Variants in BCORL1 observed in about 807,000 individuals in gnomAD.
The protein encoded by BCORL1 is BCL-6 corepressor-like protein 1.
A neutral mutation model predicts 87.6 loss-of-function variants in BCORL1; 7 were observed. That is an observed-to-expected ratio of 0.08 (90% CI 0.05 to 0.15). BCORL1 has a LOEUF of 0.15. Among genes scored for constraint, BCORL1 ranks in the 10% least tolerant of loss-of-function variants. BCORL1 has a pLI of 1.00. For synonymous variants in BCORL1, 591 were observed against 634.4 expected (o/e 0.93, Z 1.03); for missense variants, 1,215 against 1,499.7 (o/e 0.81, Z 3.13).
rs1380433198 is a variant in BCORL1, at chrX:130,015,276, C to T, written c.2504C>T (p.Pro835Leu). ...CAGGTCCTGCCTGTTGGCTGGTCCC[C>T]GTACCACCAGGCGTCTCTGCTTTCC... The part of the protein sequence containing the change: ...STQVLPVGWS[P>L]YHQASLLSIG... Residue 835 changes from proline (P) to leucine (L), a missense_variant, in exon 4 of 14, where the codon CCG becomes CTG. Pro to Leu is a moderately conservative substitution (Grantham distance 98). Transcript: ENST00000540052. 22 of 1,211,943 alleles carry T rather than the reference C, an allele frequency of 1.8e-5. No individual in the cohort carries two copies. Among genetic ancestry groups the T allele is most frequent in the Non-Finnish European group, 2.3e-5 (21 of 895,599 alleles).
rs143864671 is a variant in BCORL1 at position 130,014,661 on chromosome X, G to A, written c.1889G>A (p.Arg630His). The A allele has an allele frequency of 6.6e-6, 8 of 1,208,888 alleles. No homozygotes were observed. Among genetic ancestry groups the A allele is most frequent in the South Asian group, 5.3e-5 (3 of 56,755 alleles). Residue 630 changes from arginine to histidine, a missense_variant, in exon 4 of 14, where the codon CGC (arginine) becomes CAC (histidine). Physicochemically the swap from Arg to His is conservative, Grantham distance 29. This residue lies in a region of BCORL1 where 861 missense variants were observed against 1,010.0 expected (regional missense o/e 0.85). Coordinates refer to ENST00000540052, the MANE Select transcript of BCORL1 (RefSeq NM_001379451.1). ...MPLDLSSKSN[R>H]QKLPLPNQRK... ...CTTGATCTGTCCTCCAAGTCCAACC[G>A]CCAGAAGCTTCCATTGCCGAACCAG...
At chrX:130,049,312 TGTGAGTGGAG>T (rs1931943235) in intron 11 of BCORL1, among the ~76,000 whole-genome samples, 1 of 112,035 alleles carries the variant, frequency 8.9e-6, no homozygotes, top group South Asian at 3.6e-4. Flanking sequence ...TTTTGGCTTT[TGTGAGTGGAG>T]TTGCTGTGAA....
chrX:129,998,500 C>T (rs986984083), intron 1 of BCORL1, among the ~76,000 whole-genome samples: 2 of 111,776 alleles, frequency 1.8e-5, no homozygotes, highest in African/African-American at 3.3e-5. Context: ...CTCACCTCTC[C>T]TGGGATACTA....
In BCORL1 at chrX:130,039,302, G is replaced by A. The variant is rs1316503550; in HGVS notation, c.4840+20G>A. 41 of 1,202,803 alleles carry A rather than the reference G, an allele frequency of 3.4e-5. No individual in the cohort carries two copies. The highest frequency in any genetic ancestry group is 1.5e-4 in the East Asian group (5 of 33,737). ...TCAGTGGTAAGCATGGTCCAGACTTGACACTGTTGTCCTTGGGGCCAGCCT... is the reference window on the plus strand; with the variant it reads ...TCAGTGGTAAGCATGGTCCAGACTTAACACTGTTGTCCTTGGGGCCAGCCT... On this transcript the variant is annotated intron_variant, in intron 11 of 13. Coordinates refer to ENST00000540052, the MANE Select transcript of BCORL1 (RefSeq NM_001379451.1).
rs377750193 is a variant in BCORL1, at chrX:130,035,081, G to A, written c.4527+405G>A. Among the ~76,000 whole-genome samples the A allele has an allele frequency of 5.4e-5, 6 of 111,319 alleles. No individual in the cohort carries two copies. In the East Asian group the frequency reaches 1.7e-3, roughly 31 times the overall value. On this transcript the variant is annotated intron_variant, in intron 9 of 13. Transcript: ENST00000540052. ...GGGGCCAGGATCATGTTTGAGGGGC[G>A]AGGCTGAGCTAACCCCACCTTATAC...
At chrX:130,021,670 C>T (rs957147151) in intron 5 of BCORL1, among the ~76,000 whole-genome samples, 2 of 111,638 alleles carry the variant, frequency 1.8e-5, no homozygotes, top group African/African-American at 3.3e-5. Flanking sequence ...TCCGTTTTGC[C>T]ACTAATAGTT....
chrX:129,980,313 C>T (rs1926013680), upstream of BCORL1, among the ~76,000 whole-genome samples: 1 of 112,570 alleles, frequency 8.9e-6, no homozygotes, highest in African/African-American at 3.2e-5. Flanking sequence ...CGCCACCTCC[C>T]TCCTCCCGCT....
intron 1 of BCORL1, among the ~76,000 whole-genome samples, chrX:129,996,893 AT>A (rs1820327699): frequency 9.0e-6 from 1 of 111,648 alleles, no homozygotes; most frequent in Non-Finnish European, 1.9e-5. Context: ...TGCTGGGGTT[AT>A]GGACATGAGC....
At chrX:130,037,563 G>A (rs774121120) in intron 10 of BCORL1, 30 bp downstream of exon 10, 10 of 1,176,040 alleles carry the variant, frequency 8.5e-6, no homozygotes, top group South Asian at 7.7e-5. Context: ...CCCCAGTCCC[G>A]CCCTCACTCC....
At chrX:130,028,141 G>C (rs934905862) in intron 7 of BCORL1, among the ~76,000 whole-genome samples, 1 of 111,465 alleles carries the variant, frequency 9.0e-6, no homozygotes, top group Non-Finnish European at 1.9e-5. Context: ...CTCGGAGAGT[G>C]ACAAATGGGG....
At chrX:130,001,177 G>A (rs1431652019) in intron 1 of BCORL1, among the ~76,000 whole-genome samples, 6 of 110,730 alleles carry the variant, frequency 5.4e-5, no homozygotes, top group East Asian at 2.8e-4. Flanking sequence ...CTCAACCTCC[G>A]CCTCCCAGGT....
At chrX:130,020,158 C>T (rs1436918460) in intron 4 of BCORL1, among the ~76,000 whole-genome samples, 3 of 112,508 alleles carry the variant, frequency 2.7e-5, no homozygotes, top group Non-Finnish European at 5.6e-5. Flanking sequence ...CACAAATGTG[C>T]TAACTTGCGG....
chrX:129,995,186 A>G (rs1470470530), intron 1 of BCORL1, among the ~76,000 whole-genome samples: 1 of 108,901 alleles, frequency 9.2e-6, no homozygotes, highest in Non-Finnish European at 1.9e-5. Context: ...TTGTATTTTT[A>G]GTAGAGATGG....
intron 1 of BCORL1, among the ~76,000 whole-genome samples, chrX:129,989,444 CTTTTTTTTTT>C (rs55654985): frequency 1.0e-3 from 18 of 17,776 alleles, no homozygotes; most frequent in African/African-American, 3.1e-3. Context: ...CCGCACCCGT[CTTTTTTTTTT>C]TTTTTTTTTT....
chrX:130,013,685 C>T lies in BCORL1; in HGVS notation c.913C>T (p.Leu305Phe), dbSNP rs1416259758. 1 of 1,211,169 alleles carries T rather than the reference C, an allele frequency of 8.3e-7. No individual in the cohort carries two copies. The highest frequency in any genetic ancestry group is 1.7e-5 in the African/African-American group (1 of 57,805). The change falls in exon 4 of 14, where the codon CTT becomes TTT. Residue 305 changes from leucine (L) to phenylalanine (F), a missense_variant. Around this residue, in one of 5 missense-constraint regions of BCORL1, gnomAD observed 861 missense variants for 1,010.0 expected, o/e 0.85. Coordinates refer to ENST00000540052, the MANE Select transcript of BCORL1 (RefSeq NM_001379451.1). Reference protein sequence around the residue: ...VPLSAPAPAPLSVPVSAPPLA... With the variant: ...VPLSAPAPAPFSVPVSAPPLA... Reference sequence around the variant, plus strand: ...CTTGTCGGCTCCAGCTCCTGCCCCGCTTTCAGTCCCAGTTTCAGCTCCTCC... The same window carrying T: ...CTTGTCGGCTCCAGCTCCTGCCCCGTTTTCAGTCCCAGTTTCAGCTCCTCC...
intron 1 of BCORL1, among the ~76,000 whole-genome samples, chrX:129,994,807 A>G (rs2124353158): frequency 9.0e-6 from 1 of 111,162 alleles, no homozygotes; most frequent in South Asian, 3.8e-4. Context: ...TAGGAAAAAA[A>G]AAATCCAGGG....
chrX:130,049,519 G>A (rs1931956340), intron 11 of BCORL1, among the ~76,000 whole-genome samples: 1 of 111,810 alleles, frequency 8.9e-6, no homozygotes, highest in Non-Finnish European at 1.9e-5. Flanking sequence ...ACCATGCCTG[G>A]CTAATTTTTA....
chrX:129,983,429 G>A (rs767314069), intron 1 of BCORL1, among the ~76,000 whole-genome samples: 18 of 97,896 alleles, frequency 1.8e-4, no homozygotes, highest in Non-Finnish European at 3.4e-4. Context: ...TTTTTTTTGG[G>A]GGGGGGGGGT....
chrX:129,990,254 T>C (rs1210157735), intron 1 of BCORL1, among the ~76,000 whole-genome samples: 1 of 110,546 alleles, frequency 9.0e-6, no homozygotes, highest in Non-Finnish European at 1.9e-5. Flanking sequence ...TTTTTTGAGA[T>C]GGAGTCTCGC....
Sources: gnomAD v4.1 joint callset for allele counts (sites outside exome capture counted in the v4.1 genomes callset) on GRCh38, gnomAD v4.1.1 for gene constraint, gnomAD v4.1.1 regional missense constraint, MANE v1.5 for transcripts, NCBI Gene and HGNC (gene_info 2026-07-23, HGNC 2026-07-21) for gene names.